Variants in FAM117B observed in about 807,000 individuals in gnomAD.
FAM117B encodes the protein family with sequence similarity 117 member B.
Under a neutral mutation model 52.8 loss-of-function variants are expected in FAM117B, and 22 were observed. The observed-to-expected ratio is 0.42, with a 90% CI of 0.30 to 0.59. The LOEUF (loss-of-function observed/expected upper bound fraction) is 0.59. Among genes scored for constraint, FAM117B ranks in the 20% least tolerant of loss-of-function variants. The pLI, the probability that FAM117B is intolerant of heterozygous loss-of-function variation, is 0.22. For synonymous variants in FAM117B, 309 were observed against 324.1 expected (o/e 0.95, Z 0.50); for missense variants, 678 against 802.6 (o/e 0.84, Z 1.88).
chr2:202,654,062 T>TGAGAGAGAGA (rs60490884), intron 1 of FAM117B, among the ~76,000 whole-genome samples: 23 of 134,840 alleles, frequency 1.7e-4, no homozygotes, highest in African/African-American at 3.3e-4. Context: ...AGAGAGTGAG[T>TGAGAGAGAGA]GAGAGAGAGA....
At chr2:202,716,401 G>A (rs1203102571) in intron 2 of FAM117B, among the ~76,000 whole-genome samples, 2 of 152,050 alleles carry the variant, frequency 1.3e-5, no homozygotes, top group African/African-American at 4.8e-5. Flanking sequence ...GATGAGTGAA[G>A]ACTTACTCCT....
At position 202,767,499 on chromosome 2, in the gene FAM117B, G is replaced by A. The variant is rs983811944; in HGVS notation, c.*1735G>A. 6.6e-6 allele frequency: 1 copy of A among 152,142 alleles called. No homozygotes were observed. The highest frequency in any genetic ancestry group is 1.5e-5 in the Non-Finnish European group (1 of 68,032). 9.4% of individuals were successfully genotyped at this position (152,142 alleles called of 1,614,324 possible). On this transcript the variant is annotated 3_prime_UTR_variant, in exon 8 of 8. Coordinates refer to ENST00000392238, the MANE Select transcript of FAM117B (RefSeq NM_173511.4). Reference sequence around the variant, plus strand: ...TTTTAAAAGTGAGTTTCAGCAAACAGTATTGAATAAAAGCATCCTTTTCAT... The same window carrying A: ...TTTTAAAAGTGAGTTTCAGCAAACAATATTGAATAAAAGCATCCTTTTCAT...
At chr2:202,731,370 GA>G (rs1691346618) in intron 4 of FAM117B, among the ~76,000 whole-genome samples, 5 of 37,474 alleles carry the variant, frequency 1.3e-4, no homozygotes, top group Admixed American at 3.0e-4. Context: ...TATATATATG[GA>G]GAGAGAGAGA....
At chr2:202,649,498 A>C (rs1689924496) in intron 1 of FAM117B, among the ~76,000 whole-genome samples, 1 of 152,138 alleles carries the variant, frequency 6.6e-6, no homozygotes, top group African/African-American at 2.4e-5. Flanking sequence ...GTTATTCATC[A>C]AATATTTTCT....
At chr2:202,642,809 A>G (rs1689791263) in intron 1 of FAM117B, among the ~76,000 whole-genome samples, 1 of 152,228 alleles carries the variant, frequency 6.6e-6, no homozygotes. Flanking sequence ...AGGGTGGATA[A>G]AATGATAGGG....
rs559310804 is a variant in FAM117B, at chr2:202,691,273, A to G, written c.602-4608A>G. Among the ~76,000 whole-genome samples, 304 of 152,172 alleles carry G rather than the reference A, an allele frequency of 2.0e-3. 1 individual carries two copies. The highest frequency in any genetic ancestry group is 7.2e-3 in the African/African-American group (299 of 41,532). The stretch of plus-strand genomic sequence containing the variant: ...TCTACTAAAAGTATAAAAATGAGCC[A>G]GGTGTTTTGGTGATGCATGCCTGTA... On this transcript the variant is annotated intron_variant, in intron 1 of 7. Coordinates refer to ENST00000392238, the MANE Select transcript of FAM117B (RefSeq NM_173511.4).
At chr2:202,731,735 T>C (rs1261604910) in intron 4 of FAM117B, among the ~76,000 whole-genome samples, 1 of 141,702 alleles carries the variant, frequency 7.1e-6, no homozygotes, top group African/African-American at 2.6e-5. Flanking sequence ...CAGCCTACTT[T>C]TTTTTGTTTG....
rs1691470548 is a variant in FAM117B, at chr2:202,738,159, G to A, written c.960+11796G>A. On this transcript the variant is annotated intron_variant, in intron 4 of 7. Coordinates refer to ENST00000392238, the MANE Select transcript of FAM117B (RefSeq NM_173511.4). ...AGCTTATTAGACATTCTGGATAAAA[G>A]TCCTTTGTTGGGTAAGTTACAGATA... Among the ~76,000 whole-genome samples, 6 of 152,286 alleles carry A rather than the reference G, an allele frequency of 3.9e-5. No homozygotes were observed. The South Asian group carries it at 1.2e-3, about 32-fold the overall frequency.
intron 1 of FAM117B, among the ~76,000 whole-genome samples, chr2:202,680,066 G>C (rs1306663808): frequency 6.6e-6 from 1 of 152,090 alleles, no homozygotes; most frequent in Non-Finnish European, 1.5e-5. Flanking sequence ...AAAATTTACT[G>C]ATTGAGGTTA....
intron 1 of FAM117B, among the ~76,000 whole-genome samples, chr2:202,654,502 A>C (rs1386375370): frequency 6.6e-6 from 1 of 151,920 alleles, no homozygotes; most frequent in Middle Eastern, 3.2e-3. Flanking sequence ...CCCATTGGAA[A>C]TTTTTTTTAA....
At chr2:202,714,461 A>G (rs1691007002) in intron 2 of FAM117B, among the ~76,000 whole-genome samples, 1 of 144,800 alleles carries the variant, frequency 6.9e-6, no homozygotes, top group Admixed American at 6.9e-5. Context: ...ATCTAATAAT[A>G]TTTGCTTTAT....
At chr2:202,718,814 A>G (rs947041410) in intron 2 of FAM117B, among the ~76,000 whole-genome samples, 1 of 152,128 alleles carries the variant, frequency 6.6e-6, no homozygotes, top group Admixed American at 6.5e-5. Context: ...CTCTGGTAGT[A>G]TCTCCTCATT....
chr2:202,752,538 A>G (rs1691741639), intron 4 of FAM117B, among the ~76,000 whole-genome samples: 1 of 151,942 alleles, frequency 6.6e-6, no homozygotes, highest in Non-Finnish European at 1.5e-5. Context: ...GTCATTGATT[A>G]GAATCATTTC....
At chr2:202,740,581 A>G (rs577848036) in intron 4 of FAM117B, among the ~76,000 whole-genome samples, 2 of 152,154 alleles carry the variant, frequency 1.3e-5, no homozygotes, top group Non-Finnish European at 2.9e-5. Flanking sequence ...CTGCTGCCTA[A>G]TTATTACAGG....
intron 1 of FAM117B, among the ~76,000 whole-genome samples, chr2:202,654,631 G>C (rs1431661201): frequency 1.3e-5 from 2 of 151,008 alleles, no homozygotes; most frequent in African/African-American, 4.9e-5. Context: ...GCTGTGTACA[G>C]TAAGAGGTAA....
chr2:202,714,682 T>TC (rs1559107995), intron 2 of FAM117B, among the ~76,000 whole-genome samples: 1 of 151,826 alleles, frequency 6.6e-6, no homozygotes, highest in Non-Finnish European at 1.5e-5. Context: ...CCTGCGGCCT[T>TC]CCGCAGTGTT....
intron 4 of FAM117B, among the ~76,000 whole-genome samples, chr2:202,737,607 CT>C (rs112643875): frequency 0.011 from 1,596 of 146,754 alleles, 23 homozygotes; most frequent in African/African-American, 0.036. Flanking sequence ...AATAGTTTAA[CT>C]TTTTTTTTTT....
chr2:202,744,976 CAA>C (rs58898446), intron 4 of FAM117B, among the ~76,000 whole-genome samples: 11,622 of 58,634 alleles, frequency 0.2, 386 homozygotes, highest in South Asian at 0.32. Flanking sequence ...GACTCTGTCT[CAA>C]AAAAAAAAAA....
chr2:202,683,147 G>A (rs1022640050), intron 1 of FAM117B, among the ~76,000 whole-genome samples: 124 of 152,228 alleles, frequency 8.1e-4, no homozygotes, highest in African/African-American at 2.8e-3. Flanking sequence ...GGCTAGCAAG[G>A]TGAAACCCCA....
Sources: gnomAD v4.1 joint callset for allele counts (sites outside exome capture counted in the v4.1 genomes callset) on GRCh38, gnomAD v4.1.1 for gene constraint, MANE v1.5 for transcripts, NCBI Gene and HGNC (gene_info 2026-07-23, HGNC 2026-07-21) for gene names.